The following VPS9D1 variants were observed in gnomAD, a reference collection of about 807,000 sequenced individuals.
VPS9D1 encodes the protein VPS9 domain containing 1, also known as VPS9 domain-containing protein 1.
VPS9D1 carries 78 observed loss-of-function variants against 75.8 expected under a neutral mutation model. That is an observed-to-expected ratio of 1.03 (90% confidence interval 0.86 to 1.24). The LOEUF is 1.24. Among genes scored for constraint, VPS9D1 ranks in the 50% most tolerant of loss-of-function variants. VPS9D1 has a pLI of 0.00. For synonymous variants in VPS9D1, 481 were observed against 385.6 expected, an observed-to-expected ratio of 1.25 and a Z score of -2.90; for missense variants, 1,057 against 847.7, an observed-to-expected ratio of 1.25 and a Z score of -3.07.
At chr16:89,714,896 A>G (rs1160992643) in intron 4 of VPS9D1, among the ~76,000 whole-genome samples, 1 of 151,904 alleles carries the variant, frequency 6.6e-6, no homozygotes, top group Non-Finnish European at 1.5e-5. Flanking sequence ...CACCATGCCC[A>G]GCTAAGTTTT....
chr16:89,709,677 T>C (rs1407203767), intron 11 of VPS9D1, 100 bp downstream of exon 11: 2 of 1,561,112 alleles, frequency 1.3e-6, no homozygotes, highest in Non-Finnish European at 1.7e-6. Flanking sequence ...GTCTTGGGGA[T>C]GGAGGGGAGC....
Position 89,713,746 on chromosome 16 carries a change from C to T in VPS9D1, c.432-1030G>A, listed in dbSNP as rs1481230448. The stretch of plus-strand genomic sequence containing the variant: ...ACTGAGGGCTGGGCACGGTGGCTCA[C>T]GCCTGTAATCCCAGCACTTTGGGAG... On this transcript the variant is annotated intron_variant, in intron 4 of 14. Coordinates refer to ENST00000389386, the MANE Select transcript of VPS9D1 (RefSeq NM_004913.3). Among the ~76,000 whole-genome samples, 8 of 151,716 alleles carry T rather than the reference C, an allele frequency of 5.3e-5. No homozygotes were observed. The East Asian group carries it at 1.0e-3, about 19-fold the overall frequency.
intron 6 of VPS9D1, 48 bp downstream of exon 6, chr16:89,712,412 C>T: frequency 6.2e-7 from 1 of 1,609,052 alleles, no homozygotes; most frequent in Non-Finnish European, 8.5e-7. Context: ...GGCTCAAGGC[C>T]ACACTGAGTT....
intron 1 of VPS9D1, chr16:89,719,403 G>T (rs1198236233): frequency 3.8e-6 from 2 of 525,108 alleles, no homozygotes; most frequent in African/African-American, 3.8e-5. Context: ...TCCAGCACAG[G>T]AACTGATATT....
Position 89,709,406 on chromosome 16 carries a change from A to G in VPS9D1, c.1418T>C (p.Leu473Pro), listed in dbSNP as rs2060865110. The change falls in exon 12 of 15, where the codon CTG (leucine) becomes CCG (proline). Residue 473 changes from leucine to proline, a missense_variant. By Grantham distance (98) the Leu-to-Pro change is moderately conservative. Transcript: ENST00000389386. ...RSVHRAREAALSRSMELYRNA... is the reference protein window; with the variant it reads ...RSVHRAREAAPSRSMELYRNA... ...CCTGTAGAGCTCCATGCTCCTGCTC[A>G]GGGCAGCCTCCCGGGCTCGGTGCAC... The G allele has an allele frequency of 2.0e-6, 3 of 1,523,836 alleles. No individual in the cohort carries two copies. The highest frequency in any genetic ancestry group is 2.6e-6 in the Non-Finnish European group (3 of 1,142,626). 94.4% of individuals were successfully genotyped at this position (1,523,836 alleles called of 1,614,324 possible).
chr16:89,708,791 C>T (rs954972633), intron 13 of VPS9D1, 66 bp downstream of exon 13: 4 of 1,443,594 alleles, frequency 2.8e-6, no homozygotes, highest in Non-Finnish European at 3.7e-6. Flanking sequence ...AAGATAGTCC[C>T]TCCCGTGACC....
In VPS9D1 at chr16:89,708,128, T is replaced by C. The variant is rs147814642; in HGVS notation, c.1803-174A>G. Among the ~76,000 whole-genome samples the C allele has an allele frequency of 1.4e-3, 210 of 152,304 alleles. 2 individuals carry two copies. The highest frequency in any genetic ancestry group is 4.6e-3 in the African/African-American group (191 of 41,568). On this transcript the variant is annotated intron_variant, in intron 14 of 14. Transcript: ENST00000389386. Reference sequence around the variant, plus strand: ...GCCTTTCCCACCCACTATGTGCTCGTCCTTGGACGGTAGAGCCAGGGATGG... The same window carrying C: ...GCCTTTCCCACCCACTATGTGCTCGCCCTTGGACGGTAGAGCCAGGGATGG...
Position 89,707,710 on chromosome 16 carries a change from G to A in VPS9D1, c.*151C>T. On this transcript the variant is annotated 3_prime_UTR_variant, in exon 15 of 15. Transcript: ENST00000389386. The stretch of plus-strand genomic sequence containing the variant: ...GTGAGGTGAGGAAGGTGAAGAGCTG[G>A]AGAGCACACCACAGTGGACAAGCCC... 1 of 661,538 alleles carries A rather than the reference G, an allele frequency of 1.5e-6. No homozygotes were observed. The highest frequency in any genetic ancestry group is 2.6e-6 in the Non-Finnish European group (1 of 383,420). 41.0% of individuals were successfully genotyped at this position (661,538 alleles called of 1,614,324 possible).
chr16:89,718,459 T>A (rs1231352198), intron 2 of VPS9D1, among the ~76,000 whole-genome samples: 1 of 152,200 alleles, frequency 6.6e-6, no homozygotes, highest in Admixed American at 6.5e-5. Flanking sequence ...ACAGCTGGAA[T>A]GCTGCCCCAC....
chr16:89,720,646 G>A, intron 1 of VPS9D1, 117 bp downstream of exon 1: 4 of 1,228,634 alleles, frequency 3.3e-6, no homozygotes, highest in East Asian at 3.5e-5. Flanking sequence ...CCGGGATCCC[G>A]GCTGGCGCCC....
In VPS9D1 at chr16:89,720,777, C is replaced by G. The variant is rs1177232648; in HGVS notation, c.85G>C (p.Gly29Arg). Residue 29 changes from glycine (G) to arginine (R), a missense_variant, in exon 1 of 15, where the codon GGC (glycine) becomes CGC (arginine). By Grantham distance (125) the Gly-to-Arg change is moderately radical (BLOSUM62 -2). Coordinates refer to ENST00000389386, the MANE Select transcript of VPS9D1 (RefSeq NM_004913.3). ...CCCCGCCTCACCCGGGGCCGGTTGCCGGTGTCCAGCTCGATGGCCCCGTTG... is the reference window on the plus strand; with the variant it reads ...CCCCGCCTCACCCGGGGCCGGTTGCGGGTGTCCAGCTCGATGGCCCCGTTG... ...LANGAIELDTGNRPREAYTEY... is the reference protein window; with the variant it reads ...LANGAIELDTRNRPREAYTEY... The G allele has an allele frequency of 8.2e-6, 12 of 1,455,146 alleles. No individual in the cohort carries two copies. Among genetic ancestry groups the G allele is most frequent in the Non-Finnish European group, 1.0e-5 (11 of 1,100,192 alleles). The allele number at this position is 1,455,146 out of a possible 1,614,324, so 90.1% of individuals were successfully genotyped here. A position where few individuals can be genotyped will look rare whatever the true frequency, so the allele number is the denominator to read the frequency against.
chr16:89,714,062 G>A (rs945766056), intron 4 of VPS9D1, among the ~76,000 whole-genome samples: 5 of 151,698 alleles, frequency 3.3e-5, no homozygotes, highest in South Asian at 2.1e-4. Context: ...TCAGCCTCCC[G>A]AGTAGCTGGG....
chr16:89,717,281 C>G, intron 2 of VPS9D1: 1 of 323,250 alleles, frequency 3.1e-6, no homozygotes, highest in Non-Finnish European at 6.1e-6. Context: ...CTCATCGAGG[C>G]CCGTCACAGC....
At chr16:89,710,485 G>A in intron 10 of VPS9D1, 101 bp downstream of exon 10, 1 of 1,308,298 alleles carries the variant, frequency 7.6e-7, no homozygotes, top group Non-Finnish European at 1.0e-6. Context: ...TCTGATCAGA[G>A]TCTCTGATCA....
chr16:89,708,119 A>G (rs540696837), intron 14 of VPS9D1, among the ~76,000 whole-genome samples, 165 bp from the exon 15 acceptor site: 41 of 152,138 alleles, frequency 2.7e-4, no homozygotes, highest in Admixed American at 6.5e-4. Context: ...CCCACCCACT[A>G]TGTGCTCGTC....
Position 89,708,920 on chromosome 16 carries a change from T to C in VPS9D1, c.1634A>G (p.Asp545Gly). 18 of 1,601,958 alleles carry C rather than the reference T, an allele frequency of 1.1e-5. No homozygotes were observed. Among genetic ancestry groups the C allele is most frequent in the Non-Finnish European group, 1.5e-5 (18 of 1,176,276 alleles). The change falls in exon 13 of 15, where the codon GAC becomes GGC. Residue 545 changes from aspartate to glycine, a missense_variant. Coordinates refer to ENST00000389386, the MANE Select transcript of VPS9D1 (RefSeq NM_004913.3). ...TGTGGCCTCTGGGGTGGGGCAGTAG[T>C]CTTCCGCACAGACACAGATGATCCG... Reference protein sequence around the residue: ...TLRIICVCAEDYCPTPEATPQ... With the variant: ...TLRIICVCAEGYCPTPEATPQ...
chr16:89,712,602 C>G lies in VPS9D1; in HGVS notation c.543+3G>C. The G allele has an allele frequency of 6.2e-7, 1 of 1,609,420 alleles. No individual in the cohort carries two copies. The highest frequency in any genetic ancestry group is 8.5e-7 in the Non-Finnish European group (1 of 1,178,228). On this transcript the variant is annotated splice_donor_region_variant and intron_variant, in intron 5 of 14. Transcript: ENST00000389386. Reference sequence around the variant, plus strand: ...CCCCAGGCCCTCCCTAGCCCCCACTCACCAGGGATGTCTTCTGCATGGCCT... The same window carrying G: ...CCCCAGGCCCTCCCTAGCCCCCACTGACCAGGGATGTCTTCTGCATGGCCT...
rs1597902759 is a variant in VPS9D1 at position 89,709,378 on chromosome 16, A to C, written c.1446T>G (p.Asn482Lys). ...GGATGCCAATGGCGGTGGGGGGTGC[A>C]TTCCTGTAGAGCTCCATGCTCCTGC... is the stretch of plus-strand genomic sequence containing the variant. ...ALSRSMELYR[N>K]APPTAIGIPT... The change falls in exon 12 of 15, where the codon AAT becomes AAG. Residue 482 changes from asparagine (N) to lysine (K), a missense_variant. Coordinates refer to ENST00000389386, the MANE Select transcript of VPS9D1 (RefSeq NM_004913.3). The C allele has an allele frequency of 1.3e-6, 2 of 1,559,504 alleles. No individual in the cohort carries two copies. The highest frequency in any genetic ancestry group is 1.7e-6 in the Non-Finnish European group (2 of 1,157,572).
At chr16:89,718,709 TTTTTC>T (rs952035087) in intron 2 of VPS9D1, among the ~76,000 whole-genome samples, 8 of 149,686 alleles carry the variant, frequency 5.3e-5, no homozygotes, top group South Asian at 2.1e-4. Context: ...TGCCTTTTTC[TTTTTC>T]TTTTCTTTTT....
Sources: allele counts gnomAD v4.1 joint callset (sites outside exome capture counted in the v4.1 genomes callset), GRCh38; gene constraint gnomAD v4.1.1; transcripts MANE v1.5; gene names NCBI Gene and HGNC (gene_info 2026-07-23, HGNC 2026-07-21).